ANTXR2: variants seen among roughly 807,000 people sequenced by gnomAD.
The protein encoded by ANTXR2 is ANTXR cell adhesion molecule 2, also known as anthrax toxin receptor 2.
In ANTXR2, 44 loss-of-function variants were observed where a neutral mutation model predicts 73.7. The observed-to-expected ratio is 0.60, with a 90% confidence interval of 0.47 to 0.77. The LOEUF is 0.77. ANTXR2 is among the 30% of genes least tolerant of loss of function. The pLI is 0.00. For synonymous variants in ANTXR2, 217 were observed against 205.9 expected (o/e 1.05, Z -0.46); for missense variants, 604 against 592.5 (o/e 1.02, Z -0.20).
At position 79,907,396 on chromosome 4, in the gene ANTXR2, T is replaced by C. The variant is rs774114540; in HGVS notation, c.*33A>G. The C allele has an allele frequency of 2.5e-6, 4 of 1,605,304 alleles. No individual in the cohort carries two copies. Among genetic ancestry groups the C allele is most frequent in the Non-Finnish European group, 3.4e-6 (4 of 1,173,694 alleles). On this transcript the variant is annotated 3_prime_UTR_variant, in exon 17 of 17. Coordinates refer to ENST00000403729, the MANE Select transcript of ANTXR2 (RefSeq NM_058172.6). Reference sequence around the variant, plus strand: ...AAATCAGCTATGTGAAAATGTGCCATCTTCGTACCTTCTTGGTCTTCCTGC... The same window carrying C: ...AAATCAGCTATGTGAAAATGTGCCACCTTCGTACCTTCTTGGTCTTCCTGC...
chr4:79,959,253 A>G (rs992108762), intron 16 of ANTXR2, among the ~76,000 whole-genome samples: 5 of 152,064 alleles, frequency 3.3e-5, no homozygotes, highest in African/African-American at 9.7e-5. Flanking sequence ...TTTTTGTATC[A>G]TCATCCTTAG....
At chr4:79,989,284 C>T (rs1730350605) in intron 12 of ANTXR2, among the ~76,000 whole-genome samples, 1 of 151,764 alleles carries the variant, frequency 6.6e-6, no homozygotes, top group Non-Finnish European at 1.5e-5. Context: ...TCCAAATAAG[C>T]ATAATCAGAA....
chr4:80,037,539 A>G (rs1194568862), intron 7 of ANTXR2, among the ~76,000 whole-genome samples: 2 of 152,296 alleles, frequency 1.3e-5, no homozygotes, highest in Admixed American at 1.3e-4. Flanking sequence ...ATTTAAATCC[A>G]GAAATGACCA....
At chr4:79,928,517 CAT>C (rs1727918323) in intron 16 of ANTXR2, among the ~76,000 whole-genome samples, 1 of 152,104 alleles carries the variant, frequency 6.6e-6, no homozygotes, top group South Asian at 2.1e-4. Flanking sequence ...TTATGTTATA[CAT>C]GTTTTACCAT....
In ANTXR2 at chr4:79,905,743, A is replaced by T. The variant is rs1016806162; in HGVS notation, c.*1686T>A. The T allele has an allele frequency of 2.6e-5, 4 of 152,382 alleles. No homozygotes were observed. Among genetic ancestry groups the T allele is most frequent in the Non-Finnish European group, 5.9e-5 (4 of 68,034 alleles). The allele number at this position is 152,382 out of a possible 1,614,324, so 9.4% of individuals were successfully genotyped here. A position where few individuals can be genotyped will look rare whatever the true frequency, so the allele number is the denominator to read the frequency against. On this transcript the variant is annotated 3_prime_UTR_variant, in exon 17 of 17. Transcript: ENST00000403729. Reference sequence around the variant, plus strand: ...TTGGAACAGTGCCACAAACCTGGACACCAACCAACAGAATACTCCCGTCCT... The same window carrying T: ...TTGGAACAGTGCCACAAACCTGGACTCCAACCAACAGAATACTCCCGTCCT...
chr4:80,019,842 A>G (rs1213652858), intron 10 of ANTXR2, among the ~76,000 whole-genome samples: 2 of 152,202 alleles, frequency 1.3e-5, no homozygotes, highest in Non-Finnish European at 2.9e-5. Flanking sequence ...TAGTTAAAAT[A>G]TAGTTCTTAT....
At chr4:80,000,452 G>C (rs772347813) in intron 12 of ANTXR2, among the ~76,000 whole-genome samples, 5 of 152,012 alleles carry the variant, frequency 3.3e-5, no homozygotes, top group Non-Finnish European at 5.9e-5. Flanking sequence ...ATTGGGATAG[G>C]TGAAGAAGAT....
intron 16 of ANTXR2, among the ~76,000 whole-genome samples, chr4:79,925,898 G>T (rs1474602540): frequency 6.6e-6 from 1 of 152,062 alleles, no homozygotes; most frequent in Non-Finnish European, 1.5e-5. Flanking sequence ...CAGACATGAA[G>T]AATTTTTAAA....
chr4:79,984,852 A>G lies in ANTXR2; in HGVS notation c.1053T>C (p.Asp351=). 6.2e-7 allele frequency: 1 copy of G among 1,605,988 alleles called. No homozygotes were observed. The highest frequency in any genetic ancestry group is 2.2e-5 in the East Asian group (1 of 44,750). ...WPLCCKVVIK[D]PPPPPAPAPK... ...GTGCAGGGGCGGGTGGTGGTGGAGG[A>G]TCCTTAATAACCTGTCAAAAAAAAT... The change falls in exon 13 of 17, where the codon GAT becomes GAC. Residue 351 remains aspartate, a synonymous_variant. Coordinates refer to ENST00000403729, the MANE Select transcript of ANTXR2 (RefSeq NM_058172.6).
At chr4:79,928,403 G>T (rs906127025) in intron 16 of ANTXR2, among the ~76,000 whole-genome samples, 3 of 152,060 alleles carry the variant, frequency 2.0e-5, no homozygotes, top group Non-Finnish European at 4.4e-5. Context: ...TTTCAGTCTG[G>T]GATAATGAAA....
intron 16 of ANTXR2, among the ~76,000 whole-genome samples, chr4:79,931,517 T>C (rs1025277300): frequency 4.0e-5 from 6 of 149,214 alleles, no homozygotes; most frequent in African/African-American, 1.5e-4. Flanking sequence ...CACTCCAACT[T>C]CCAGATAAAT....
At chr4:79,950,606 G>A (rs546410437) in intron 16 of ANTXR2, among the ~76,000 whole-genome samples, 66 of 152,038 alleles carry the variant, frequency 4.3e-4, no homozygotes, top group Non-Finnish European at 8.1e-4. Flanking sequence ...CCAAGAAGAC[G>A]TCAAGGTGCT....
intron 3 of ANTXR2, among the ~76,000 whole-genome samples, chr4:80,063,200 T>A (rs1734341670): frequency 6.6e-6 from 1 of 152,180 alleles, no homozygotes; most frequent in African/African-American, 2.4e-5. Flanking sequence ...AATTCACTCT[T>A]ATTAACTGGC....
Position 80,032,428 on chromosome 4 carries a change from C to T in ANTXR2, c.797-736G>A, listed in dbSNP as rs1472716734. On this transcript the variant is annotated intron_variant, in intron 9 of 16. Coordinates refer to ENST00000403729, the MANE Select transcript of ANTXR2 (RefSeq NM_058172.6). ...AAAAATAAAATTATCTTGTCCTACT[C>T]AATTGTGGAACCTACTATGAAGAGA... Among the ~76,000 whole-genome samples the T allele has an allele frequency of 4.6e-5, 7 of 151,900 alleles. No homozygotes were observed. In the East Asian group the frequency reaches 1.4e-3, roughly 29 times the overall value.
intron 11 of ANTXR2, among the ~76,000 whole-genome samples, chr4:80,015,928 G>GAAAAAGGAA (rs1731838099): frequency 2.7e-5 from 1 of 37,150 alleles, no homozygotes; most frequent in Non-Finnish European, 4.8e-5. Context: ...AAGGAAAAAG[G>GAAAAAGGAA]AAAGGAAAGG....
intron 16 of ANTXR2, among the ~76,000 whole-genome samples, chr4:79,947,159 T>C (rs1728545765): frequency 6.6e-6 from 1 of 152,194 alleles, no homozygotes; most frequent in Non-Finnish European, 1.5e-5. Flanking sequence ...CCCATTAGAA[T>C]AGTTTTCCTT....
At chr4:79,986,414 T>C (rs904591042) in intron 12 of ANTXR2, among the ~76,000 whole-genome samples, 3 of 152,348 alleles carry the variant, frequency 2.0e-5, no homozygotes, top group Admixed American at 1.3e-4. Flanking sequence ...ATGTGTAGTA[T>C]ATTACTATGA....
At chr4:79,985,671 G>A (rs1303015422) in intron 12 of ANTXR2, among the ~76,000 whole-genome samples, 1 of 152,134 alleles carries the variant, frequency 6.6e-6, no homozygotes. Context: ...GATGACTCCG[G>A]CCAAACTGGC....
chr4:80,000,325 C>T (rs1730969644), intron 12 of ANTXR2, among the ~76,000 whole-genome samples: 1 of 151,978 alleles, frequency 6.6e-6, no homozygotes, highest in Non-Finnish European at 1.5e-5. Context: ...TCATAAATTT[C>T]CTCAAGCACA....
Sources: allele counts gnomAD v4.1 joint callset (sites outside exome capture counted in the v4.1 genomes callset), GRCh38; gene constraint gnomAD v4.1.1; transcripts MANE v1.5; gene names NCBI Gene and HGNC (gene_info 2026-07-23, HGNC 2026-07-21).